DMD: variants seen among roughly 807,000 people sequenced by gnomAD.
DMD encodes dystrophin.
In DMD, 63 loss-of-function variants were observed where a neutral mutation model predicts 330.1. That is an observed-to-expected ratio of 0.19 (90% CI 0.16 to 0.24). The LOEUF (loss-of-function observed/expected upper bound fraction) is 0.24. Ranked by LOEUF, DMD falls within the 10% of genes least tolerant of loss-of-function variation. DMD has a pLI of 1.00. For synonymous variants in DMD, 1,223 were observed against 959.8 expected (o/e 1.27, Z -5.07); for missense variants, 3,344 against 2,684.1 (o/e 1.25, Z -5.43).
At chrX:31,211,441 A>G (rs2044664340) in intron 64 of DMD, among the ~76,000 whole-genome samples, 1 of 112,370 alleles carries the variant, frequency 8.9e-6, no homozygotes, top group East Asian at 2.8e-4. Context: ...GAAGGAAGCT[A>G]TGGGTGGTTT....
rs529105227 is a variant in DMD at position 32,784,046 on chromosome X, T to TAG, written c.649+25445_649+25446dup. Among the ~76,000 whole-genome samples, 14 of 110,226 alleles carry TAG rather than the reference T, an allele frequency of 1.3e-4. No individual in the cohort carries two copies. The South Asian group carries it at 5.5e-3, about 43-fold the overall frequency. ...CACACCTGGAACTCATCTGTGTGTT[T>TAG]AGAGGACAAATTAAATCATTTTTAA... On this transcript the variant is annotated intron_variant, in intron 7 of 78. Coordinates refer to ENST00000357033, the MANE Select transcript of DMD (RefSeq NM_004006.3).
chrX:31,974,710 G>T (rs895486463), intron 44 of DMD, among the ~76,000 whole-genome samples: 1 of 109,938 alleles, frequency 9.1e-6, no homozygotes, highest in African/African-American at 3.3e-5. Context: ...CCTGATAATG[G>T]TTGCTATAAA....
At chrX:31,698,941 A>G (rs2083618143) in intron 52 of DMD, among the ~76,000 whole-genome samples, 1 of 111,908 alleles carries the variant, frequency 8.9e-6, no homozygotes, top group East Asian at 2.8e-4. Flanking sequence ...ACAAATGACT[A>G]AATTTTAAAA....
In DMD at chrX:32,176,947, T is replaced by C. The variant is rs146596681; in HGVS notation, c.6438+39969A>G. Among the ~76,000 whole-genome samples the C allele has an allele frequency of 1.2e-4, 13 of 111,605 alleles. No homozygotes were observed. The East Asian group carries it at 3.1e-3, about 27-fold the overall frequency. On this transcript the variant is annotated intron_variant, in intron 44 of 78. Coordinates refer to ENST00000357033, the MANE Select transcript of DMD (RefSeq NM_004006.3). ...ATTCATTATTTTATCCAATACGTAC[T>C]TACTGATCACTTATTATTTTCCCAT... is the stretch of plus-strand genomic sequence containing the variant.
At chrX:32,558,824 G>A (rs1175576300) in intron 16 of DMD, among the ~76,000 whole-genome samples, 3 of 109,723 alleles carry the variant, frequency 2.7e-5, no homozygotes, top group Non-Finnish European at 5.7e-5. Context: ...CATTTACAAG[G>A]TAAAACCTAT....
chrX:32,689,029 T>C (rs1417988496), intron 9 of DMD, among the ~76,000 whole-genome samples: 1 of 111,206 alleles, frequency 9.0e-6, no homozygotes, highest in Non-Finnish European at 1.9e-5. Context: ...TAAGATTTTT[T>C]TGAAGATCAG....
At position 32,314,960 on chromosome X, in the gene DMD, C is replaced by T. The variant is rs2097578100; in HGVS notation, c.5923-4684G>A. Among the ~76,000 whole-genome samples, 3 of 111,669 alleles carry T rather than the reference C, an allele frequency of 2.7e-5. No homozygotes were observed. The South Asian group carries it at 1.1e-3, about 42-fold the overall frequency. On this transcript the variant is annotated intron_variant, in intron 41 of 78. Coordinates refer to ENST00000357033, the MANE Select transcript of DMD (RefSeq NM_004006.3). ...TGGTGGGAGTGTAAATTAGTTCCAC[C>T]ATTGTGGAAGACAGTGTGCAGATTC... is the stretch of plus-strand genomic sequence containing the variant.
intron 60 of DMD, among the ~76,000 whole-genome samples, chrX:31,373,420 T>C (rs1482073744): frequency 1.1e-5 from 1 of 93,719 alleles, no homozygotes; most frequent in African/African-American, 3.7e-5. Flanking sequence ...CTTCAAACTA[T>C]ACTACAAGGC....
chrX:33,139,130 G>C (rs2047663087), intron 1 of DMD, among the ~76,000 whole-genome samples: 1 of 110,209 alleles, frequency 9.1e-6, no homozygotes, highest in African/African-American at 3.3e-5. Flanking sequence ...GCAACATAAG[G>C]AGACCCCATT....
chrX:31,290,284 A>G (rs987613987), intron 62 of DMD, among the ~76,000 whole-genome samples: 7 of 111,108 alleles, frequency 6.3e-5, no homozygotes, highest in African/African-American at 2.3e-4. Context: ...GGAAATGCAG[A>G]TAAGTAGGTA....
intron 29 of DMD, among the ~76,000 whole-genome samples, chrX:32,415,156 C>A (rs1202592503): frequency 8.9e-6 from 1 of 112,207 alleles, no homozygotes; most frequent in Non-Finnish European, 1.9e-5. Flanking sequence ...ACAGTGTACT[C>A]TACAAGGCAC....
chrX:33,323,544 T>C (rs1260216282), intron 1 of DMD, among the ~76,000 whole-genome samples: 1 of 111,794 alleles, frequency 8.9e-6, no homozygotes, highest in Admixed American at 9.6e-5. Context: ...CTTGTTTTCA[T>C]TCAAGATGTC....
rs145752103 is a variant in DMD at position 33,084,344 on chromosome X, T to C, written c.32-64144A>G. On this transcript the variant is annotated intron_variant, in intron 1 of 78. Transcript: ENST00000357033. The stretch of plus-strand genomic sequence containing the variant: ...AGCTGACTCAGCAAGACAGGGGAAT[T>C]GCAATGAAGAAAGAGTAATTCATGC... 8.5e-3 allele frequency among the ~76,000 whole-genome samples: 952 copies of C among 112,496 alleles called. 7 individuals are homozygous for C. Among genetic ancestry groups the C allele is most frequent in the African/African-American group, 0.029 (910 of 31,014 alleles).
intron 2 of DMD, among the ~76,000 whole-genome samples, chrX:32,977,807 A>G (rs1400488343): frequency 3.6e-5 from 4 of 111,514 alleles, no homozygotes; most frequent in South Asian, 3.7e-4. Flanking sequence ...CAAGACTAGT[A>G]GTAGCTGATT....
At chrX:32,880,900 C>T (rs769113966) in intron 2 of DMD, among the ~76,000 whole-genome samples, 6 of 112,664 alleles carry the variant, frequency 5.3e-5, no homozygotes, top group South Asian at 7.2e-4. Flanking sequence ...GCCGATATTG[C>T]GCCATCGCAC....
chrX:31,338,949 A>C lies in DMD; in HGVS notation c.9163+9607T>G, dbSNP rs866543198. On this transcript the variant is annotated intron_variant, in intron 61 of 78. Coordinates refer to ENST00000357033, the MANE Select transcript of DMD (RefSeq NM_004006.3). Reference sequence around the variant, plus strand: ...CTGGGAAACCATCTATGCACAAAAAAAAAAAAAAAAAAAAAACAAAGTGCC... The same window carrying C: ...CTGGGAAACCATCTATGCACAAAAACAAAAAAAAAAAAAAAACAAAGTGCC... 5.8e-3 allele frequency among the ~76,000 whole-genome samples: 583 copies of C among 100,308 alleles called. 4 individuals are homozygous for C. The highest frequency in any genetic ancestry group is 0.02 in the African/African-American group (565 of 27,686). The allele number at this position is 100,308 out of a possible 115,157, so 87.1% of individuals were successfully genotyped here.
intron 26 of DMD, among the ~76,000 whole-genome samples, chrX:32,453,730 T>C (rs1367681362): frequency 1.8e-5 from 2 of 110,895 alleles, no homozygotes; most frequent in Non-Finnish European, 3.8e-5. Context: ...AGTAAGCTCA[T>C]GTAACTCACC....
At chrX:33,249,025 T>C (rs2148895755) in intron 1 of DMD, among the ~76,000 whole-genome samples, 1 of 113,127 alleles carries the variant, frequency 8.8e-6, no homozygotes, top group South Asian at 3.6e-4. Flanking sequence ...TTGTATTTAT[T>C]ACTCTATGTT....
intron 1 of DMD, among the ~76,000 whole-genome samples, chrX:33,103,317 G>C (rs1426312116): frequency 9.0e-6 from 1 of 111,164 alleles, no homozygotes; most frequent in Admixed American, 9.6e-5. Context: ...TATCCCCTGT[G>C]ACCTGCATGT....
Sources: allele counts gnomAD v4.1 joint callset (sites outside exome capture counted in the v4.1 genomes callset), GRCh38; gene constraint gnomAD v4.1.1; transcripts MANE v1.5; gene names NCBI Gene and HGNC (gene_info 2026-07-23, HGNC 2026-07-21).